SNX29: variants seen among roughly 807,000 people sequenced by gnomAD.
The protein encoded by SNX29 is sorting nexin-29.
SNX29 carries 78 observed loss-of-function variants against 102.1 expected under a neutral mutation model. The observed-to-expected ratio is 0.76, with a 90% CI of 0.64 to 0.92. SNX29 has a LOEUF of 0.92. Among genes scored for constraint, SNX29 ranks in the 40% least tolerant of loss-of-function variants. SNX29 has a pLI of 0.00. For synonymous variants in SNX29, 580 were observed against 414.5 expected, an observed-to-expected ratio of 1.40 and a Z score of -4.85; for missense variants, 1,280 against 1,061.7, an observed-to-expected ratio of 1.21 and a Z score of -2.86.
At position 12,555,522 on chromosome 16, in the gene SNX29, C is replaced by A. The variant is rs148819672; in HGVS notation, c.2319-12984C>A. On this transcript the variant is annotated intron_variant, in intron 20 of 20. Transcript: ENST00000566228. ...TCACGCAGGGATTGACTGGACAGCG[C>A]CCCTGCTCTCTGGGAGGTCATACCG... Among the ~76,000 whole-genome samples, 1,291 of 151,716 alleles carry A rather than the reference C, an allele frequency of 8.5e-3. 6 individuals are homozygous for A. The highest frequency in any genetic ancestry group is 0.014 in the Non-Finnish European group (959 of 67,906).
intron 16 of SNX29, among the ~76,000 whole-genome samples, chr16:12,380,940 T>A (rs1375935430): frequency 2.2e-4 from 7 of 31,652 alleles, no homozygotes; most frequent in African/African-American, 1.2e-3. Context: ...CCATCCACCA[T>A]CCATCCATCC....
chr16:12,461,784 C>G (rs2086783996), intron 18 of SNX29, among the ~76,000 whole-genome samples: 1 of 150,530 alleles, frequency 6.6e-6, no homozygotes, highest in Admixed American at 6.6e-5. Context: ...TGGTGAAACC[C>G]TGTCTCTACT....
rs199497475 is a variant in SNX29 at position 12,013,483 on chromosome 16, TG to T, written c.122+10445del. Among the ~76,000 whole-genome samples, 16 of 19,274 alleles carry T rather than the reference TG, an allele frequency of 8.3e-4. 1 individual carries two copies. Among genetic ancestry groups the T allele is most frequent in the African/African-American group, 2.1e-3 (15 of 7,086 alleles). The allele number at this position is 19,274 out of a possible 152,430, so 12.6% of individuals were successfully genotyped here. On this transcript the variant is annotated intron_variant, in intron 3 of 20. Coordinates refer to ENST00000566228, the MANE Select transcript of SNX29 (RefSeq NM_032167.5). ...CAACATAGTGAAACCCTGTCTCTAC[TG>T]GGGGAAAAAAAAAAAAATATATATA...
intron 15 of SNX29, among the ~76,000 whole-genome samples, chr16:12,279,637 C>G (rs1051725121): frequency 1.3e-5 from 2 of 152,224 alleles, no homozygotes; most frequent in African/African-American, 2.4e-5. Context: ...GGGCCCCAAT[C>G]TCAGGATTGG....
At chr16:12,169,179 G>A (rs901140158) in intron 13 of SNX29, among the ~76,000 whole-genome samples, 3 of 152,194 alleles carry the variant, frequency 2.0e-5, no homozygotes, top group African/African-American at 7.2e-5. Flanking sequence ...GAATTGTTTG[G>A]TATGTGAATT....
intron 15 of SNX29, among the ~76,000 whole-genome samples, chr16:12,290,648 A>G (rs927528217): frequency 1.3e-5 from 2 of 152,208 alleles, no homozygotes; most frequent in Non-Finnish European, 2.9e-5. Flanking sequence ...TGTGTGATTT[A>G]TCAAGGTCTG....
At chr16:12,308,127 A>G (rs1407225911) in intron 15 of SNX29, among the ~76,000 whole-genome samples, 1 of 152,214 alleles carries the variant, frequency 6.6e-6, no homozygotes, top group Non-Finnish European at 1.5e-5. Context: ...GCTGAAGGTG[A>G]TGCATGGTCT....
intron 20 of SNX29, among the ~76,000 whole-genome samples, chr16:12,531,224 C>T (rs1302201084): frequency 1.3e-5 from 2 of 152,202 alleles, no homozygotes; most frequent in African/African-American, 4.8e-5. Flanking sequence ...CAAGTCATCC[C>T]CTGTGCCTGG....
At chr16:12,563,137 C>T (rs1479683769) in intron 20 of SNX29, among the ~76,000 whole-genome samples, 3 of 152,096 alleles carry the variant, frequency 2.0e-5, no homozygotes, top group African/African-American at 7.2e-5. Context: ...CGCCACACGT[C>T]CTCATCCCAG....
chr16:12,427,502 C>G (rs1356857966), intron 18 of SNX29, among the ~76,000 whole-genome samples: 1 of 151,738 alleles, frequency 6.6e-6, no homozygotes, highest in Non-Finnish European at 1.5e-5. Context: ...TTCCTTTTGA[C>G]AAATAGTAAT....
At chr16:12,375,859 C>G (rs1353148794) in intron 16 of SNX29, 1 of 151,868 alleles carries the variant, frequency 6.6e-6, no homozygotes, top group South Asian at 2.1e-4. Context: ...TGGTGAAGCC[C>G]CATCTCTACT....
At position 12,360,293 on chromosome 16, in the gene SNX29, T is replaced by C. The variant is rs116287657; in HGVS notation, c.1899+4014T>C. 3.1e-3 allele frequency among the ~76,000 whole-genome samples: 469 copies of C among 152,314 alleles called. 3 individuals carry two copies. The highest frequency in any genetic ancestry group is 0.011 in the African/African-American group (451 of 41,554). Reference sequence around the variant, plus strand: ...TGCCTCTTCAGGCTCTGTTAATTTGTAGATTCCCTTGCTGTCACTCTCTTT... The same window carrying C: ...TGCCTCTTCAGGCTCTGTTAATTTGCAGATTCCCTTGCTGTCACTCTCTTT... On this transcript the variant is annotated intron_variant, in intron 16 of 20. Transcript: ENST00000566228.
At chr16:12,226,633 G>C (rs1213478181) in intron 14 of SNX29, among the ~76,000 whole-genome samples, 3 of 148,788 alleles carry the variant, frequency 2.0e-5, no homozygotes, top group African/African-American at 7.4e-5. Context: ...GAGTACACTG[G>C]TGCAATCTTG....
intron 20 of SNX29, among the ~76,000 whole-genome samples, chr16:12,553,104 G>T (rs891328475): frequency 6.8e-6 from 1 of 147,594 alleles, no homozygotes; most frequent in Non-Finnish European, 1.5e-5. Context: ...TTGGCCTGGG[G>T]CTTTCAGGCT....
intron 13 of SNX29, among the ~76,000 whole-genome samples, chr16:12,193,111 AGGAATGTGCCAC>A (rs1157319459): frequency 2.0e-5 from 3 of 152,234 alleles, no homozygotes; most frequent in Non-Finnish European, 4.4e-5. Context: ...CTGCAATTAC[AGGAATGTGCCAC>A]TGCGCCCAAA....
intron 15 of SNX29, among the ~76,000 whole-genome samples, chr16:12,284,144 G>T (rs536855593): frequency 6.6e-6 from 1 of 152,246 alleles, no homozygotes; most frequent in East Asian, 1.9e-4. Context: ...AATGTGAAGT[G>T]TTGGCGACAT....
chr16:12,403,220 G>A (rs973537901), intron 17 of SNX29, among the ~76,000 whole-genome samples: 21 of 147,744 alleles, frequency 1.4e-4, no homozygotes, highest in South Asian at 6.4e-4. Flanking sequence ...GTGTGTGTGT[G>A]TGTGTGTGTG....
chr16:12,274,472 G>A (rs1356019706), intron 14 of SNX29, among the ~76,000 whole-genome samples: 1 of 151,266 alleles, frequency 6.6e-6, no homozygotes, highest in Admixed American at 6.6e-5. Flanking sequence ...CCTCTTCTGT[G>A]TGTTATCTTT....
intron 16 of SNX29, among the ~76,000 whole-genome samples, chr16:12,376,324 G>A (rs547918650): frequency 6.6e-6 from 1 of 152,304 alleles, no homozygotes; most frequent in South Asian, 2.1e-4. Context: ...GTTATTTTAT[G>A]GACGAAGTGA....
Sources: gnomAD v4.1 joint callset for allele counts (sites outside exome capture counted in the v4.1 genomes callset) on GRCh38, gnomAD v4.1.1 for gene constraint, MANE v1.5 for transcripts, NCBI Gene and HGNC (gene_info 2026-07-23, HGNC 2026-07-21) for gene names.